Variants in ZNF577 observed in about 807,000 individuals in gnomAD.
ZNF577 encodes the protein zinc finger protein 577.
ZNF577 carries 14 observed loss-of-function variants against 13.9 expected under a neutral mutation model. The ratio of observed to expected loss-of-function variants is 1.00; its 90% CI spans 0.66 to 1.57. The LOEUF (loss-of-function observed/expected upper bound fraction) is 1.57, where lower values mean the gene tolerates loss of function less well. ZNF577 is among the 40% of genes most tolerant of loss of function. The pLI, the probability that ZNF577 is intolerant of heterozygous loss-of-function variation, is 0.00. For missense variants in ZNF577, 555 were observed against 579.2 expected, an observed-to-expected ratio of 0.96 and a Z score of 0.43; for synonymous variants, 203 against 202.9, an observed-to-expected ratio of 1.00 and a Z score of 0.00.
Position 51,816,064 on chromosome 19 carries a change from T to TA in ZNF577, c.*600-4391dup, listed in dbSNP as rs200656360. On this transcript the variant is annotated intron_variant and NMD_transcript_variant, in intron 9 of 10. Transcript: ENST00000638827. Reference sequence around the variant, plus strand: ...ACTGGGGAAGAGAGTGAGATCCTATTAAAAAAAAAAAAAAAACCCTTGAGA... The same window carrying TA: ...ACTGGGGAAGAGAGTGAGATCCTATTAAAAAAAAAAAAAAAAACCCTTGAGA... Among the ~76,000 whole-genome samples the TA allele has an allele frequency of 4.7e-3, 654 of 139,118 alleles. 1 individual carries two copies. Among genetic ancestry groups the TA allele is most frequent in the African/African-American group, 0.012 (467 of 38,154 alleles). 91.3% of individuals were successfully genotyped at this position (139,118 alleles called of 152,430 possible). A position where few individuals can be genotyped will look rare whatever the true frequency, so the allele number is the denominator to read the frequency against.
At chr19:51,837,971 C>A (rs2084297140) in intron 9 of ZNF577, among the ~76,000 whole-genome samples, 1 of 152,180 alleles carries the variant, frequency 6.6e-6, no homozygotes, top group South Asian at 2.1e-4. Flanking sequence ...TTGGAGCCAG[C>A]TTCTTCCCCC....
intron 9 of ZNF577, chr19:51,823,918 G>C (rs143231858): frequency 1.2e-6 from 2 of 1,613,904 alleles, no homozygotes; most frequent in Non-Finnish European, 1.7e-6. Flanking sequence ...CGGATGACAC[G>C]CACAGTCAAC....
chr19:51,854,430 G>A (rs900329700), intron 5 of ZNF577, among the ~76,000 whole-genome samples: 63 of 151,586 alleles, frequency 4.2e-4, no homozygotes, highest in African/African-American at 1.5e-3. Flanking sequence ...CTGAGCTCAG[G>A]CAATCCTCCT....
chr19:51,881,087 T>G (rs531435255), intron 1 of ZNF577, among the ~76,000 whole-genome samples: 1 of 152,048 alleles, frequency 6.6e-6, no homozygotes, highest in Admixed American at 6.5e-5. Flanking sequence ...ATGTCAGAAA[T>G]AGAGTGGATG....
At chr19:51,857,067 G>A (rs1265667274) in intron 5 of ZNF577, among the ~76,000 whole-genome samples, 2 of 152,066 alleles carry the variant, frequency 1.3e-5, no homozygotes, top group African/African-American at 2.4e-5. Context: ...TTGGGAGGCC[G>A]AGGCAGGCGG....
chr19:51,875,139 T>C (rs1313499295), intron 5 of ZNF577, among the ~76,000 whole-genome samples: 2 of 151,174 alleles, frequency 1.3e-5, no homozygotes, highest in East Asian at 1.9e-4. Flanking sequence ...GAGGTCGAGG[T>C]GGATGGGAGG....
chr19:51,873,483 C>T lies in ZNF577; in HGVS notation c.507G>A (p.Arg169=). 6.2e-7 allele frequency: 1 copy of T among 1,614,176 alleles called. No individual in the cohort carries two copies. The highest frequency in any genetic ancestry group is 8.5e-7 in the Non-Finnish European group (1 of 1,180,018). The change falls in exon 6 of 6, where the codon AGG becomes AGA. Residue 169 remains arginine (R), a synonymous_variant. Coordinates refer to ENST00000638348, the MANE Select transcript of ZNF577 (RefSeq NM_001370449.1). ...TCTGATGTTGAATAAGCTGTGCTTTCCTGGAGAAGGCTCTCCCGCACACAC... is the reference window on the plus strand; with the variant it reads ...TCTGATGTTGAATAAGCTGTGCTTTTCTGGAGAAGGCTCTCCCGCACACAC... ...ECSVCGRAFS[R]KAQLIQHQRT...
At chr19:51,828,000 T>A (rs1352494769) in intron 9 of ZNF577, among the ~76,000 whole-genome samples, 1 of 152,216 alleles carries the variant, frequency 6.6e-6, no homozygotes, top group Non-Finnish European at 1.5e-5. Context: ...TTTGCACGTT[T>A]GACTCCTATA....
chr19:51,874,366 GA>G (rs1334250882), intron 5 of ZNF577, among the ~76,000 whole-genome samples: 8 of 152,040 alleles, frequency 5.3e-5, no homozygotes. Context: ...CAGTACAAAG[GA>G]AGTGGCTCAC....
At chr19:51,864,185 C>T (rs1377071232), downstream of ZNF577, among the ~76,000 whole-genome samples, 1 of 152,182 alleles carries the variant, frequency 6.6e-6, no homozygotes, top group Non-Finnish European at 1.5e-5. Flanking sequence ...AGATTTGCTA[C>T]ATCATATAGC....
At chr19:51,804,640 G>A (rs1468910404), downstream of ZNF577, among the ~76,000 whole-genome samples, 1 of 152,032 alleles carries the variant, frequency 6.6e-6, no homozygotes, top group Non-Finnish European at 1.5e-5. Flanking sequence ...TGCTCAAATT[G>A]ACAAAAATTT....
chr19:51,848,734 G>T (rs2084366384), intron 5 of ZNF577, among the ~76,000 whole-genome samples: 1 of 152,162 alleles, frequency 6.6e-6, no homozygotes, highest in Non-Finnish European at 1.5e-5. Context: ...TGTCAATACT[G>T]TGATGCAGGA....
intron 1 of ZNF577, among the ~76,000 whole-genome samples, chr19:51,884,615 C>A (rs2084914015): frequency 6.6e-6 from 1 of 151,728 alleles, no homozygotes; most frequent in Non-Finnish European, 1.5e-5. Context: ...TTATATAAAA[C>A]CAGCATTTCC....
At chr19:51,850,924 A>G (rs911767885) in intron 5 of ZNF577, among the ~76,000 whole-genome samples, 1 of 152,240 alleles carries the variant, frequency 6.6e-6, no homozygotes, top group African/African-American at 2.4e-5. Context: ...GATACAAAAC[A>G]TTGTGTATAG....
At chr19:51,814,197 C>T (rs950006799) in intron 9 of ZNF577, among the ~76,000 whole-genome samples, 3 of 152,164 alleles carry the variant, frequency 2.0e-5, no homozygotes, top group African/African-American at 7.2e-5. Context: ...TTCTGCGTCT[C>T]CACTTGTCTT....
At chr19:51,860,913 GGT>G (rs1006663930) in intron 5 of ZNF577, 3 of 410,850 alleles carry the variant, frequency 7.3e-6, no homozygotes, top group Non-Finnish European at 9.4e-6. Flanking sequence ...CCTGCAATGA[GGT>G]GTGATTCTTC....
At chr19:51,849,483 C>T (rs923536958) in intron 5 of ZNF577, among the ~76,000 whole-genome samples, 1 of 152,218 alleles carries the variant, frequency 6.6e-6, no homozygotes, top group Non-Finnish European at 1.5e-5. Context: ...GGTTCACCCC[C>T]TTCTGCCTTT....
At chr19:51,875,835 T>C (rs1316789609) in intron 5 of ZNF577, among the ~76,000 whole-genome samples, 1 of 152,182 alleles carries the variant, frequency 6.6e-6, no homozygotes, top group Admixed American at 6.5e-5. Context: ...ATGGAGGCGA[T>C]AAGAACCTCT....
At chr19:51,841,089 A>G (rs1238652100) in intron 8 of ZNF577, 1 of 152,222 alleles carries the variant, frequency 6.6e-6, no homozygotes, top group Admixed American at 6.5e-5. Flanking sequence ...ATCAAAGTGA[A>G]ACATTCCACA....
Sources: allele counts gnomAD v4.1 joint callset (sites outside exome capture counted in the v4.1 genomes callset), GRCh38; gene constraint gnomAD v4.1.1; transcripts MANE v1.5; gene names NCBI Gene and HGNC (gene_info 2026-07-23, HGNC 2026-07-21).